Variants in KDM4B observed in about 807,000 individuals in gnomAD.
KDM4B encodes the protein lysine demethylase 4B.
In KDM4B, 32 loss-of-function variants were observed where a neutral mutation model predicts 125.2. That is an observed-to-expected ratio of 0.26 (90% CI 0.19 to 0.34). The LOEUF (loss-of-function observed/expected upper bound fraction) is 0.34. Ranked by LOEUF, KDM4B falls within the 10% of genes least tolerant of loss-of-function variation. The pLI is 1.00. For synonymous variants in KDM4B, 721 were observed against 677.9 expected (o/e 1.06, Z -0.99); for missense variants, 1,190 against 1,577.7 (o/e 0.75, Z 4.16).
chr19:5,126,793 G>T (rs2039457595), intron 11 of KDM4B, among the ~76,000 whole-genome samples: 2 of 152,372 alleles, frequency 1.3e-5, no homozygotes, highest in East Asian at 1.9e-4. Context: ...GTTGAAGGGG[G>T]TGGCCAGAGA....
intron 1 of KDM4B, among the ~76,000 whole-genome samples, chr19:4,986,331 C>G (rs921228883): frequency 3.9e-5 from 6 of 152,226 alleles, no homozygotes; most frequent in African/African-American, 1.4e-4. Flanking sequence ...GGGGCAGTGT[C>G]TCCGTGTGCC....
intron 9 of KDM4B, among the ~76,000 whole-genome samples, chr19:5,096,857 G>A (rs1384380713): frequency 2.0e-5 from 3 of 152,178 alleles, no homozygotes; most frequent in Admixed American, 6.5e-5. Context: ...CCTGCCTGGT[G>A]GAGGAAGTGT....
At position 5,131,285 on chromosome 19, in the gene KDM4B, G is replaced by C. The variant is rs369102677; in HGVS notation, c.1525G>C (p.Val509Leu). 1 of 1,611,812 alleles carries C rather than the reference G, an allele frequency of 6.2e-7. No homozygotes were observed. The highest frequency in any genetic ancestry group is 1.1e-5 in the South Asian group (1 of 90,996). ...ESPLPAPLNV[V>L]PPEVPSEELE... ...CCCCCTGCCGGCACCCCTTAATGTC[G>C]TGCCCCCTGAGGTGCCCAGTGAGGA... The change falls in exon 12 of 23, where the codon GTG becomes CTG. Residue 509 changes from valine (V) to leucine (L), a missense_variant. Physicochemically the swap from Val to Leu is conservative, Grantham distance 32. Around this residue, in one of 7 missense-constraint regions of KDM4B, gnomAD observed 428 missense variants for 405.1 expected, o/e 1.06. Coordinates refer to ENST00000159111, the MANE Select transcript of KDM4B (RefSeq NM_015015.3).
At position 5,055,806 on chromosome 19, in the gene KDM4B, T is replaced by C. The variant is rs183260444; in HGVS notation, c.626+8137T>C. On this transcript the variant is annotated intron_variant, in intron 6 of 22. Transcript: ENST00000159111. Reference sequence around the variant, plus strand: ...CTTTCTCTCTCTTTAAATAGGTCTTTATTAGACCTGTTTTAGATTCACTGA... The same window carrying C: ...CTTTCTCTCTCTTTAAATAGGTCTTCATTAGACCTGTTTTAGATTCACTGA... Among the ~76,000 whole-genome samples, 301 of 152,294 alleles carry C rather than the reference T, an allele frequency of 2.0e-3. 1 individual carries two copies. The highest frequency in any genetic ancestry group is 3.4e-3 in the Admixed American group (52 of 15,298).
rs557791180 is a variant in KDM4B, at chr19:5,082,851, C to G, written c.918+347C>G. Among the ~76,000 whole-genome samples, 2 of 151,012 alleles carry G rather than the reference C, an allele frequency of 1.3e-5. No homozygotes were observed. The highest frequency in any genetic ancestry group is 2.1e-4 in the South Asian group (1 of 4,792). ...TGTTTCCTCCACCAGCACCATTGTC[C>G]CCCCTGCTGGCTGGCTCCTGGGCAT... On this transcript the variant is annotated intron_variant, in intron 9 of 22. Coordinates refer to ENST00000159111, the MANE Select transcript of KDM4B (RefSeq NM_015015.3). This position sits in a 1 kb window ranked among gnomAD's most constrained non-coding sequence, Gnocchi z 5.4.
intron 6 of KDM4B, among the ~76,000 whole-genome samples, chr19:5,058,792 C>T (rs1427808523): frequency 2.6e-5 from 4 of 152,304 alleles, no homozygotes; most frequent in African/African-American, 4.8e-5. Flanking sequence ...TGGCTCGTGT[C>T]GCTTGTGAGG....
chr19:5,108,331 C>G (rs2039075415), intron 9 of KDM4B, among the ~76,000 whole-genome samples: 1 of 152,252 alleles, frequency 6.6e-6, no homozygotes, highest in Non-Finnish European at 1.5e-5. Flanking sequence ...CCTTTCTCTC[C>G]TGTGCTATCT....
intron 1 of KDM4B, among the ~76,000 whole-genome samples, chr19:4,972,085 C>T (rs2034280027): frequency 6.6e-6 from 1 of 152,330 alleles, no homozygotes; most frequent in East Asian, 1.9e-4. Flanking sequence ...CTTCAGATGC[C>T]ACAGCCCTCC....
rs1423497252 is a variant in KDM4B, at chr19:5,150,467, GGCC to G, written c.3114+18_3114+20del. The G allele has an allele frequency of 4.5e-6, 7 of 1,538,866 alleles. No homozygotes were observed. The highest frequency in any genetic ancestry group is 6.1e-6 in the Non-Finnish European group (7 of 1,138,742). On this transcript the variant is annotated intron_variant, in intron 22 of 22. Transcript: ENST00000159111. ...TCTCGGCTGGTGAGTGCGCGAGGCT[GGCC>G]TGGTGGCTCCGGGTGACTCAGGGAG...
intron 7 of KDM4B, chr19:5,076,077 T>G (rs1221823478): frequency 2.4e-5 from 3 of 123,958 alleles, no homozygotes; most frequent in Admixed American, 2.3e-4. Flanking sequence ...TCTCGTTGAC[T>G]GAGTGACGAG....
chr19:5,080,552 C>G (rs1487170842), intron 8 of KDM4B: 1 of 152,346 alleles, frequency 6.6e-6, no homozygotes, highest in Admixed American at 6.5e-5. Context: ...ACACCGCCAC[C>G]AGATGCCAGT....
At chr19:5,116,342 T>C (rs1286843132) in intron 10 of KDM4B, among the ~76,000 whole-genome samples, 2 of 151,852 alleles carry the variant, frequency 1.3e-5, no homozygotes, top group African/African-American at 4.8e-5. Flanking sequence ...GAAAAAGGCC[T>C]TCAAAAGTCA....
Position 5,131,492 on chromosome 19 carries a change from G to C in KDM4B, c.1732G>C (p.Ala578Pro), listed in dbSNP as rs144327370. The change falls in exon 12 of 23, where the codon GCC becomes CCC. Residue 578 changes from alanine to proline, a missense_variant. Coordinates refer to ENST00000159111, the MANE Select transcript of KDM4B (RefSeq NM_015015.3). Reference protein sequence around the residue: ...MELTGPEDGAASSGAGRMETK... With the variant: ...MELTGPEDGAPSSGAGRMETK... Reference sequence around the variant, plus strand: ...GCTGACGGGGCCAGAGGACGGTGCAGCCAGCAGTGGGGCAGGTCGCATGGA... The same window carrying C: ...GCTGACGGGGCCAGAGGACGGTGCACCCAGCAGTGGGGCAGGTCGCATGGA... 1.8e-3 allele frequency: 2,802 copies of C among 1,567,036 alleles called. 6 individuals carry two copies. Among genetic ancestry groups the C allele is most frequent in the Non-Finnish European group, 2.3e-3 (2,625 of 1,165,212 alleles).
chr19:5,045,900 G>A (rs967796831), intron 5 of KDM4B, among the ~76,000 whole-genome samples: 3 of 152,168 alleles, frequency 2.0e-5, no homozygotes, highest in African/African-American at 4.8e-5. Context: ...GTGAGCTACC[G>A]CGCCTGGCCA....
intron 6 of KDM4B, 41 bp downstream of exon 6, chr19:5,047,710 G>A (rs1304275079): frequency 7.5e-6 from 12 of 1,592,540 alleles, no homozygotes; most frequent in Non-Finnish European, 8.6e-6. Flanking sequence ...CGGACCGAGA[G>A]CCCCTCGGGA....
chr19:5,089,617 T>C (rs1007987822), intron 9 of KDM4B, among the ~76,000 whole-genome samples: 4 of 152,034 alleles, frequency 2.6e-5, no homozygotes, highest in Non-Finnish European at 5.9e-5. Flanking sequence ...AAGTATTGGT[T>C]GATATTAGTT....
chr19:5,005,921 G>T lies in KDM4B; in HGVS notation c.-108-10336G>T, dbSNP rs539032045. Among the ~76,000 whole-genome samples the T allele has an allele frequency of 2.0e-5, 3 of 152,306 alleles. No homozygotes were observed. In the East Asian group the frequency reaches 5.8e-4, roughly 29 times the overall value. On this transcript the variant is annotated intron_variant, in intron 1 of 22. Coordinates refer to ENST00000159111, the MANE Select transcript of KDM4B (RefSeq NM_015015.3). ...GTCACCGCGTCCTCCTCTGGCGGAGGTGAGTGGTGATGCTGGGTCACAAGA... is the reference window on the plus strand; with the variant it reads ...GTCACCGCGTCCTCCTCTGGCGGAGTTGAGTGGTGATGCTGGGTCACAAGA...
At chr19:5,096,581 T>TG (rs1386289845) in intron 9 of KDM4B, among the ~76,000 whole-genome samples, 1 of 152,136 alleles carries the variant, frequency 6.6e-6, no homozygotes, top group Non-Finnish European at 1.5e-5. Flanking sequence ...CTGGAGTCGC[T>TG]GGTGACATCA....
intron 9 of KDM4B, among the ~76,000 whole-genome samples, chr19:5,109,315 G>C (rs1017073481): frequency 4.6e-5 from 7 of 152,158 alleles, no homozygotes; most frequent in Non-Finnish European, 8.8e-5. Flanking sequence ...GGTAATCGCC[G>C]CTTGGGCATC....
Sources: allele counts gnomAD v4.1 joint callset (sites outside exome capture counted in the v4.1 genomes callset), GRCh38; gene constraint gnomAD v4.1.1; regional missense constraint gnomAD v4.1.1; non-coding constraint Gnocchi (gnomAD v3.1); transcripts MANE v1.5; gene names NCBI Gene and HGNC (gene_info 2026-07-23, HGNC 2026-07-21).